The following PCDHA12 variants were observed in gnomAD, a reference collection of about 807,000 sequenced individuals.
PCDHA12 encodes the protein protocadherin alpha-12.
Under a neutral mutation model 60.0 loss-of-function variants are expected in PCDHA12, and 44 were observed. The ratio of observed to expected loss-of-function variants is 0.73; its 90% CI spans 0.58 to 0.94. The LOEUF (loss-of-function observed/expected upper bound fraction) is 0.94, where lower values mean the gene tolerates loss of function less well. PCDHA12 is among the 40% of genes least tolerant of loss of function. The pLI is 0.00. For missense variants in PCDHA12, 1,276 were observed against 1,239.7 expected (o/e 1.03, Z -0.44); for synonymous variants, 569 against 553.0 (o/e 1.03, Z -0.40).
At position 140,978,952 on chromosome 5, in the gene PCDHA12, C is replaced by T. The variant is rs374951627; in HGVS notation, c.2371C>T (p.Arg791Ter). Residue 791 changes from arginine (R) to a stop codon, truncating the protein, a stop_gained, in exon 2 of 4, where the codon CGA (arginine) becomes TGA (stop). Coordinates refer to ENST00000398631, the MANE Select transcript of PCDHA12 (RefSeq NM_018903.4). LOFTEE classifies it high-confidence loss of function. ...EDCLNPPSEP[R>*]QPNPDWRYSA... ...AACTCTCTTTGTGATTTTGCAGCCA[C>T]GACAGCCCAACCCTGACTGGCGTTA... is the stretch of plus-strand genomic sequence containing the variant. 5.0e-6 allele frequency: 8 copies of T among 1,614,018 alleles called. No individual in the cohort carries two copies. The highest frequency in any genetic ancestry group is 2.2e-5 in the South Asian group (2 of 91,070).
At chr5:140,928,282 C>G in intron 1 of PCDHA12, 1 of 1,614,166 alleles carries the variant, frequency 6.2e-7, no homozygotes, top group Non-Finnish European at 8.5e-7. Flanking sequence ...TGGGGCCTCT[C>G]TAGGCCGAGT....
chr5:140,879,687 CA>C (rs1343612878), intron 1 of PCDHA12, among the ~76,000 whole-genome samples: 1 of 152,156 alleles, frequency 6.6e-6, no homozygotes, highest in Non-Finnish European at 1.5e-5. Context: ...TGTAAAACAG[CA>C]AAAGTTTATT....
intron 1 of PCDHA12, chr5:140,927,149 T>C: frequency 1.2e-6 from 2 of 1,614,168 alleles, no homozygotes; most frequent in Non-Finnish European, 1.7e-6. Context: ...CGCGAACAGC[T>C]GTGCAGGGCC....
intron 1 of PCDHA12, chr5:140,882,378 A>G: frequency 6.2e-7 from 1 of 1,614,186 alleles, no homozygotes; most frequent in Non-Finnish European, 8.5e-7. Flanking sequence ...TCCGTCCCCG[A>G]GGAAGCAAAA....
At chr5:141,002,559 G>C (rs2098085590) in intron 3 of PCDHA12, among the ~76,000 whole-genome samples, 2 of 152,192 alleles carry the variant, frequency 1.3e-5, no homozygotes. Context: ...GGATCCACCA[G>C]TTAGTGACCA....
At chr5:140,998,850 A>T (rs904977478) in intron 3 of PCDHA12, among the ~76,000 whole-genome samples, 1 of 152,234 alleles carries the variant, frequency 6.6e-6, no homozygotes, top group African/African-American at 2.4e-5. Context: ...GGTGTGAGCC[A>T]CATGCCTGGC....
chr5:141,006,843 T>A (rs2098291274), intron 3 of PCDHA12, among the ~76,000 whole-genome samples: 1 of 152,154 alleles, frequency 6.6e-6, no homozygotes, highest in Non-Finnish European at 1.5e-5. Context: ...TTACTGAAAC[T>A]GGAAAGATTT....
chr5:140,880,747 T>C (rs555658670), intron 1 of PCDHA12, among the ~76,000 whole-genome samples: 16 of 152,334 alleles, frequency 1.1e-4, no homozygotes, highest in African/African-American at 3.8e-4. Context: ...GGATTGTCAG[T>C]GTAACTGCGT....
intron 1 of PCDHA12, chr5:140,968,319 TCAC>T: frequency 6.2e-7 from 1 of 1,613,996 alleles, no homozygotes; most frequent in East Asian, 2.2e-5. Flanking sequence ...GGGCTGCCAG[TCAC>T]CTCCTATGTC....
In PCDHA12 at chr5:140,883,587, G is replaced by C. The variant is rs1554178846; in HGVS notation, c.2367+5748G>C. ...TCGCCTTCGCTGTGGGCCACGGCCA[G>C]CGTGTCGGTGGGGGTGGCCGACGTG... On this transcript the variant is annotated intron_variant, in intron 1 of 3. Coordinates refer to ENST00000398631, the MANE Select transcript of PCDHA12 (RefSeq NM_018903.4). 6.2e-7 allele frequency: 1 copy of C among 1,614,030 alleles called. No individual in the cohort carries two copies. Among genetic ancestry groups the C allele is most frequent in the Non-Finnish European group, 8.5e-7 (1 of 1,179,946 alleles).
intron 1 of PCDHA12, among the ~76,000 whole-genome samples, chr5:140,899,599 C>G (rs535938234): frequency 2.0e-5 from 3 of 152,232 alleles, no homozygotes; most frequent in South Asian, 4.2e-4. Context: ...TTATTGAGGA[C>G]TTTTGCATCA....
chr5:140,891,044 CA>C (rs1406159323), intron 1 of PCDHA12, among the ~76,000 whole-genome samples: 9 of 152,030 alleles, frequency 5.9e-5, no homozygotes, highest in African/African-American at 2.2e-4. Flanking sequence ...GTGTGACCCC[CA>C]CAGCACATAG....
chr5:140,978,457 C>G (rs1223652568), intron 1 of PCDHA12, among the ~76,000 whole-genome samples: 1 of 152,182 alleles, frequency 6.6e-6, no homozygotes, highest in Non-Finnish European at 1.5e-5. Context: ...GCACATCCGC[C>G]CTGGGTCAAA....
intron 1 of PCDHA12, among the ~76,000 whole-genome samples, chr5:140,909,492 C>T (rs955748526): frequency 4.6e-5 from 7 of 152,160 alleles, no homozygotes; most frequent in East Asian, 3.9e-4. Context: ...GAGAGCTGAA[C>T]GGGGATGTGG....
intron 1 of PCDHA12, among the ~76,000 whole-genome samples, chr5:140,960,366 ACT>A (rs2095543381): frequency 6.6e-6 from 1 of 152,188 alleles, no homozygotes; most frequent in Non-Finnish European, 1.5e-5. Flanking sequence ...TAATATGCCA[ACT>A]CTTAAGTGCC....
chr5:140,876,498 C>T lies in PCDHA12; in HGVS notation c.1026C>T (p.Asp342=). Residue 342 remains aspartate, a synonymous_variant, in exon 1 of 4, where the codon GAC becomes GAT. Coordinates refer to ENST00000398631, the MANE Select transcript of PCDHA12 (RefSeq NM_018903.4). ...GHSMVLVEVL[D]VNDNVPEVMV... is the part of the protein sequence containing the mutation. ...GCATGGTCCTGGTGGAAGTTCTGGA[C>T]GTGAATGACAATGTCCCTGAAGTAA... The T allele has an allele frequency of 2.5e-6, 4 of 1,613,918 alleles. No individual in the cohort carries two copies. The highest frequency in any genetic ancestry group is 2.5e-6 in the Non-Finnish European group (3 of 1,179,886).
chr5:140,884,176 T>C, intron 1 of PCDHA12: 1 of 1,613,372 alleles, frequency 6.2e-7, no homozygotes, highest in South Asian at 1.1e-5. Flanking sequence ...CGACGCGCCC[T>C]CTGGACGAGG....
chr5:140,927,706 C>G lies in PCDHA12; in HGVS notation c.2367+49867C>G, dbSNP rs1584519766. The G allele has an allele frequency of 1.2e-6, 2 of 1,614,108 alleles. No homozygotes were observed. Among genetic ancestry groups the G allele is most frequent in the African/African-American group, 2.7e-5 (2 of 74,940 alleles). Reference sequence around the variant, plus strand: ...GTCCAATGGGGAAGTCCAGTACTCCCTAAGCAACAGCACGCAAGCAGAGCT... The same window carrying G: ...GTCCAATGGGGAAGTCCAGTACTCCGTAAGCAACAGCACGCAAGCAGAGCT... On this transcript the variant is annotated intron_variant, in intron 1 of 3. Coordinates refer to ENST00000398631, the MANE Select transcript of PCDHA12 (RefSeq NM_018903.4).
intron 1 of PCDHA12, chr5:140,878,062 T>C (rs1180266527): frequency 2.5e-6 from 1 of 403,164 alleles, no homozygotes; most frequent in East Asian, 4.6e-5. Context: ...ACACTTAATA[T>C]TTTTCTTTTT....
Sources: gnomAD v4.1 joint callset for allele counts (sites outside exome capture counted in the v4.1 genomes callset) on GRCh38, gnomAD v4.1.1 for gene constraint, MANE v1.5 for transcripts, NCBI Gene and HGNC (gene_info 2026-07-23, HGNC 2026-07-21) for gene names.